ADAP1: variants seen among roughly 807,000 people sequenced by gnomAD.
ADAP1 encodes the protein ArfGAP with dual PH domains 1.
A neutral mutation model predicts 54.9 loss-of-function variants in ADAP1; 31 were observed. The ratio of observed to expected loss-of-function variants is 0.56; its 90% CI spans 0.42 to 0.76. The LOEUF is 0.76. Among genes scored for constraint, ADAP1 ranks in the 30% least tolerant of loss-of-function variants. ADAP1 has a pLI of 0.00. For missense variants in ADAP1, 535 were observed against 512.4 expected (o/e 1.04, Z -0.42); for synonymous variants, 313 against 202.6 (o/e 1.55, Z -4.63).
At chr7:907,370 G>T (rs897711928) in intron 4 of ADAP1, among the ~76,000 whole-genome samples, 1 of 152,158 alleles carries the variant, frequency 6.6e-6, no homozygotes, top group African/African-American at 2.4e-5. Flanking sequence ...GGCCAGAGGG[G>T]GCCCCAGAGC....
intron 6 of ADAP1, among the ~76,000 whole-genome samples, chr7:902,475 A>AAATGCCTG (rs1491159593): frequency 1.7e-3 from 238 of 142,022 alleles, no homozygotes; most frequent in South Asian, 2.2e-3. Flanking sequence ...AAAAAAAGAA[A>AAATGCCTG]GAAAAGAAAG....
At chr7:916,645 C>G (rs1365235197) in intron 4 of ADAP1, among the ~76,000 whole-genome samples, 2 of 152,310 alleles carry the variant, frequency 1.3e-5, no homozygotes, top group East Asian at 3.9e-4. Context: ...CTGACCGTTT[C>G]TTGCTCTCTC....
rs1395309236 is a variant in ADAP1, at chr7:935,432, G to A, written c.156C>T (p.Pro52=). 1 of 1,560,982 alleles carries A rather than the reference G, an allele frequency of 6.4e-7. No homozygotes were observed. The highest frequency in any genetic ancestry group is 1.9e-5 in the Admixed American group (1 of 52,330). ...LSCSGIHRNI[P]QVSKVKSVRL... ...GGACGGACTTCACCTTGCTGACCTG[G>A]GGGATATTCCGGTGGATTCCCGAGC... The change falls in exon 2 of 11, where the codon CCC becomes CCT. Residue 52 remains proline (P), a synonymous_variant. Coordinates refer to ENST00000265846, the MANE Select transcript of ADAP1 (RefSeq NM_006869.4).
intron 4 of ADAP1, among the ~76,000 whole-genome samples, chr7:907,453 GC>G (rs1289354715): frequency 6.6e-6 from 1 of 152,156 alleles, no homozygotes; most frequent in Non-Finnish European, 1.5e-5. Context: ...CGAGTCTCGG[GC>G]CCGTGGGATC....
chr7:906,331 A>G (rs1377604753), intron 4 of ADAP1, among the ~76,000 whole-genome samples: 1 of 41,604 alleles, frequency 2.4e-5, no homozygotes, highest in Non-Finnish European at 5.7e-5. Flanking sequence ...AGAAAGGGAA[A>G]GGAGAAAGGA....
At position 920,407 on chromosome 7, in the gene ADAP1, C is replaced by G. The variant is rs34265472; in HGVS notation, c.306-357G>C. 6.0e-3 allele frequency among the ~76,000 whole-genome samples: 916 copies of G among 151,970 alleles called. 7 individuals are homozygous for G. Among genetic ancestry groups the G allele is most frequent in the Non-Finnish European group, 9.2e-3 (627 of 67,864 alleles). On this transcript the variant is annotated intron_variant, in intron 3 of 10. Coordinates refer to ENST00000265846, the MANE Select transcript of ADAP1 (RefSeq NM_006869.4). The surrounding 1 kb of genome is among the most constrained non-coding windows in gnomAD (Gnocchi z 4.5). ...GTACAGGGGTTGAGCCAGGCCCCCC[C>G]ACCCCGAGTCACACGCCCCTGGGCC...
chr7:910,582 G>C (rs572852448), intron 4 of ADAP1, among the ~76,000 whole-genome samples: 1 of 152,322 alleles, frequency 6.6e-6, no homozygotes, highest in Admixed American at 6.5e-5. Context: ...TCAGAGCTGG[G>C]ACTGCACTCT....
intron 2 of ADAP1, among the ~76,000 whole-genome samples, chr7:931,965 T>A (rs959419156): frequency 1.3e-5 from 2 of 151,994 alleles, no homozygotes; most frequent in African/African-American, 2.4e-5. Context: ...GGGGCCTGAG[T>A]GCAGGGAGCC....
chr7:904,282 G>A lies in ADAP1; in HGVS notation c.502-10C>T, dbSNP rs773671401. ...CCTTGGGCTCCTTGGCCTGAGAAGGGGTGGGGTCTAAGCACCTCACAGGGG... is the reference window on the plus strand; with the variant it reads ...CCTTGGGCTCCTTGGCCTGAGAAGGAGTGGGGTCTAAGCACCTCACAGGGG... On this transcript the variant is annotated splice_polypyrimidine_tract_variant and intron_variant, in intron 5 of 10. Coordinates refer to ENST00000265846, the MANE Select transcript of ADAP1 (RefSeq NM_006869.4). 7.6e-6 allele frequency: 12 copies of A among 1,580,278 alleles called. No homozygotes were observed. In the African/African-American group the frequency reaches 8.1e-5, roughly 11 times the overall value.
chr7:916,551 G>A (rs1040728284), intron 4 of ADAP1, among the ~76,000 whole-genome samples: 2 of 152,200 alleles, frequency 1.3e-5, no homozygotes, highest in Admixed American at 6.5e-5. Context: ...GGGCTCTGGG[G>A]TGATTCTTTG....
chr7:901,384 A>T (rs1844805158), intron 6 of ADAP1: 1 of 203,646 alleles, frequency 4.9e-6, no homozygotes, highest in Non-Finnish European at 1.0e-5. Flanking sequence ...AAAGGTGCCC[A>T]TCTTTACTCT....
chr7:913,117 G>A (rs537561549), intron 4 of ADAP1, among the ~76,000 whole-genome samples: 2 of 151,848 alleles, frequency 1.3e-5, no homozygotes, highest in East Asian at 3.9e-4. Flanking sequence ...GTGCTGCAAT[G>A]ACAGGCATGA....
At position 931,360 on chromosome 7, in the gene ADAP1, A is replaced by C. The variant is rs1398646065; in HGVS notation, c.213+4015T>G. Among the ~76,000 whole-genome samples, 3 of 152,220 alleles carry C rather than the reference A, an allele frequency of 2.0e-5. No individual in the cohort carries two copies. The South Asian group carries it at 6.2e-4, about 31-fold the overall frequency. On this transcript the variant is annotated intron_variant, in intron 2 of 10. Transcript: ENST00000265846. ...CATCAGAGGGTGAATGAATAAAGCA[A>C]ACGTGTTCCATCCACACAAGGCATG... is the stretch of plus-strand genomic sequence containing the variant.
chr7:900,293 C>T lies in ADAP1; in HGVS notation c.733-129G>A, dbSNP rs751591159. The T allele has an allele frequency of 6.4e-5, 75 of 1,169,296 alleles. No individual in the cohort carries two copies. In the Middle Eastern group the frequency reaches 9.9e-4, roughly 15 times the overall value. The allele number at this position is 1,169,296 out of a possible 1,614,324, so 72.4% of individuals were successfully genotyped here. On this transcript the variant is annotated intron_variant, in intron 7 of 10. Coordinates refer to ENST00000265846, the MANE Select transcript of ADAP1 (RefSeq NM_006869.4). ...CAGGGCCCAGGCCTGGCTTAGCCTC[C>T]GCAGGATCCACATTTCTGCCTCTGC... is the stretch of plus-strand genomic sequence containing the variant.
intron 4 of ADAP1, among the ~76,000 whole-genome samples, chr7:912,229 G>C (rs1409672519): frequency 1.3e-5 from 2 of 152,180 alleles, no homozygotes; most frequent in African/African-American, 2.4e-5. Context: ...CCGGAGCCTA[G>C]AGCAGGAAGC....
At chr7:931,464 G>A (rs1846574421) in intron 2 of ADAP1, among the ~76,000 whole-genome samples, 1 of 152,178 alleles carries the variant, frequency 6.6e-6, no homozygotes, top group South Asian at 2.1e-4. Flanking sequence ...CCGCGGGAAA[G>A]GAGTCGGACG....
intron 4 of ADAP1, among the ~76,000 whole-genome samples, chr7:917,254 T>G: frequency 1.3e-4 from 1 of 7,600 alleles, no homozygotes; most frequent in Non-Finnish European, 2.3e-4. Flanking sequence ...ACCGGGGAGT[T>G]GCACGGGAGG....
At chr7:936,887 C>T (rs949985307) in intron 1 of ADAP1, among the ~76,000 whole-genome samples, 16 of 152,388 alleles carry the variant, frequency 1.0e-4, no homozygotes, top group Middle Eastern at 3.4e-3. Flanking sequence ...CCCCTCCCAA[C>T]GCTGATCGGG....
At chr7:936,495 G>A (rs1463514116) in intron 1 of ADAP1, among the ~76,000 whole-genome samples, 2 of 152,244 alleles carry the variant, frequency 1.3e-5, no homozygotes, top group Non-Finnish European at 2.9e-5. Flanking sequence ...CAGGGTGTGG[G>A]TGCCACAGCG....
Sources: gnomAD v4.1 joint callset for allele counts (sites outside exome capture counted in the v4.1 genomes callset) on GRCh38, gnomAD v4.1.1 for gene constraint, Gnocchi (gnomAD v3.1) non-coding constraint, MANE v1.5 for transcripts, NCBI Gene and HGNC (gene_info 2026-07-23, HGNC 2026-07-21) for gene names.